Variants in FMN1 observed in about 807,000 individuals in gnomAD.
FMN1 encodes the protein formin-1.
FMN1 carries 110 observed loss-of-function variants against 132.4 expected under a neutral mutation model. The ratio of observed to expected loss-of-function variants is 0.83; its 90% CI spans 0.71 to 0.97. The LOEUF (loss-of-function observed/expected upper bound fraction) is 0.97. Among genes scored for constraint, FMN1 ranks in the 50% least tolerant of loss-of-function variants. FMN1 has a pLI of 0.00. For synonymous variants in FMN1, 722 were observed against 651.7 expected (o/e 1.11, Z -1.64); for missense variants, 1,792 against 1,705.3 (o/e 1.05, Z -0.90).
chr15:33,051,481 G>A (rs345749), intron 6 of FMN1, among the ~76,000 whole-genome samples: 62,905 of 144,116 alleles, frequency 0.44, 13,254 homozygotes, highest in Admixed American at 0.47. Flanking sequence ...CAGGTGATAG[G>A]TGGTTGTGAC....
intron 4 of FMN1, among the ~76,000 whole-genome samples, chr15:33,137,785 C>G (rs545941869): frequency 3.2e-4 from 49 of 152,310 alleles, no homozygotes; most frequent in Non-Finnish European, 4.7e-4. Flanking sequence ...CACCACCATA[C>G]AGCTTGCCCA....
intron 7 of FMN1, among the ~76,000 whole-genome samples, chr15:33,000,221 G>C (rs1430715715): frequency 1.3e-5 from 2 of 152,112 alleles, no homozygotes; most frequent in Non-Finnish European, 2.9e-5. Context: ...AGGCAGAGGT[G>C]GGTGGATCAT....
chr15:32,856,162 T>C (rs1428296968), intron 17 of FMN1, among the ~76,000 whole-genome samples: 1 of 152,154 alleles, frequency 6.6e-6, no homozygotes, highest in African/African-American at 2.4e-5. Flanking sequence ...TTAACAGTCT[T>C]TTGTTGATGG....
rs1250263105 is a variant in FMN1 at position 33,153,190 on chromosome 15, G to A, written c.1725C>T (p.Ser575=). The A allele has an allele frequency of 3.3e-6, 5 of 1,536,144 alleles. No homozygotes were observed. The East Asian group carries it at 7.3e-5, about 23-fold the overall frequency. The change falls in exon 4 of 21, where the codon TCC becomes TCT. Residue 575 remains serine, a synonymous_variant. Transcript: ENST00000616417. ...CTTTGGTCTCCGTGACCTTTGCAGAGGATGGTGGCTCCAAGGTGTCAGCAG... is the reference window on the plus strand; with the variant it reads ...CTTTGGTCTCCGTGACCTTTGCAGAAGATGGTGGCTCCAAGGTGTCAGCAG... The part of the protein sequence containing the change: ...CVSADTLEPP[S]SAKVTETKGA...
chr15:32,786,125 A>C (rs1428717255), intron 19 of FMN1, among the ~76,000 whole-genome samples: 1 of 152,216 alleles, frequency 6.6e-6, no homozygotes, highest in Non-Finnish European at 1.5e-5. Flanking sequence ...AAGCTGCTGC[A>C]CCACTGGACT....
intron 17 of FMN1, among the ~76,000 whole-genome samples, chr15:32,820,423 T>A (rs2058180056): frequency 6.6e-6 from 1 of 152,134 alleles, no homozygotes; most frequent in African/African-American, 2.4e-5. Context: ...CTTAACTAAT[T>A]TAGGTTATAT....
rs147402694 is a variant in FMN1 at position 32,869,781 on chromosome 15, C to T, written c.3836-12674G>A. 7.2e-5 allele frequency among the ~76,000 whole-genome samples: 11 copies of T among 152,108 alleles called. No homozygotes were observed. The East Asian group carries it at 1.7e-3, about 24-fold the overall frequency. On this transcript the variant is annotated intron_variant, in intron 16 of 20. Transcript: ENST00000616417. ...ATGACCTGAGAAGAAAACAGAATTGCAGGAAAGAAAGAGCAGTCAGCTCTG... is the reference window on the plus strand; with the variant it reads ...ATGACCTGAGAAGAAAACAGAATTGTAGGAAAGAAAGAGCAGTCAGCTCTG...
chr15:32,879,407 C>T (rs930087892), intron 16 of FMN1, among the ~76,000 whole-genome samples: 7 of 152,164 alleles, frequency 4.6e-5, no homozygotes, highest in Non-Finnish European at 8.8e-5. Flanking sequence ...ATAAATTAGA[C>T]ATGGTCAATA....
In FMN1 at chr15:32,857,109, T is replaced by C; in HGVS notation, c.3836-2A>G. ...CCACCACCATCTGTTTCTCACTTGC[T>C]GTGAAGAGAAATTTAGAATTAGACT... On this transcript the variant is annotated splice_acceptor_variant, in intron 16 of 20. Transcript: ENST00000616417. LOFTEE classifies it high-confidence loss of function. The C allele has an allele frequency of 6.2e-7, 1 of 1,610,804 alleles. No homozygotes were observed. The highest frequency in any genetic ancestry group is 8.5e-7 in the Non-Finnish European group (1 of 1,176,998).
intron 6 of FMN1, among the ~76,000 whole-genome samples, chr15:33,037,537 G>A (rs2036242885): frequency 6.6e-6 from 1 of 152,136 alleles, no homozygotes; most frequent in African/African-American, 2.4e-5. Context: ...GTAACCTTAG[G>A]CTCTGGTTAT....
intron 4 of FMN1, chr15:33,150,299 A>G (rs779231811): frequency 2.5e-5 from 25 of 985,470 alleles, no homozygotes; most frequent in Non-Finnish European, 3.0e-5. Context: ...TTGGGGGAAG[A>G]CCATACTCCA....
rs62001357 is a variant in FMN1, at chr15:32,897,811, T to A, written c.3714+1023A>T. ...CAAGTGAGTGGTCTTAAAACCTGGG[T>A]AAGCTGGGGTCGGCAGGAAAACAAA... On this transcript the variant is annotated intron_variant, in intron 15 of 20. Transcript: ENST00000616417. 5.6e-3 allele frequency among the ~76,000 whole-genome samples: 858 copies of A among 152,038 alleles called. 8 individuals carry two copies. The highest frequency in any genetic ancestry group is 9.1e-3 in the Non-Finnish European group (620 of 67,974).
At chr15:33,116,072 C>T (rs571227447) in intron 4 of FMN1, among the ~76,000 whole-genome samples, 3 of 152,222 alleles carry the variant, frequency 2.0e-5, no homozygotes, top group African/African-American at 7.2e-5. Flanking sequence ...CTATAGAGAT[C>T]CAACTATAAA....
At chr15:32,833,628 A>G (rs2058555985) in intron 17 of FMN1, among the ~76,000 whole-genome samples, 1 of 152,232 alleles carries the variant, frequency 6.6e-6, no homozygotes, top group Non-Finnish European at 1.5e-5. Context: ...AGGGTTAACA[A>G]GTCTGAACAC....
At chr15:33,133,076 C>A (rs1273938308) in intron 4 of FMN1, among the ~76,000 whole-genome samples, 1 of 152,200 alleles carries the variant, frequency 6.6e-6, no homozygotes, top group Non-Finnish European at 1.5e-5. Flanking sequence ...GGGGGCCAAG[C>A]ACTGCATCTC....
intron 17 of FMN1, among the ~76,000 whole-genome samples, chr15:32,807,704 A>G (rs923776656): frequency 6.6e-6 from 1 of 152,218 alleles, no homozygotes; most frequent in African/African-American, 2.4e-5. Flanking sequence ...ACCTCTGTGA[A>G]TATGGTGATT....
intron 9 of FMN1, among the ~76,000 whole-genome samples, chr15:32,961,875 G>C (rs528839224): frequency 1.3e-5 from 2 of 152,124 alleles, no homozygotes; most frequent in Non-Finnish European, 2.9e-5. Flanking sequence ...CTGACTGCCT[G>C]ACAGTCCTAA....
chr15:32,890,225 A>G (rs1308288018), intron 15 of FMN1, among the ~76,000 whole-genome samples: 2 of 152,238 alleles, frequency 1.3e-5, no homozygotes, highest in Non-Finnish European at 2.9e-5. Context: ...CTGTGCTGCT[A>G]TAAACATGCA....
At chr15:33,163,837 C>T (rs752873490) in intron 3 of FMN1, among the ~76,000 whole-genome samples, 23 of 147,246 alleles carry the variant, frequency 1.6e-4, no homozygotes, top group Non-Finnish European at 2.2e-4. Flanking sequence ...AGGCTGGTCT[C>T]GAACTCCTGA....
Sources: gnomAD v4.1 joint callset for allele counts (sites outside exome capture counted in the v4.1 genomes callset) on GRCh38, gnomAD v4.1.1 for gene constraint, MANE v1.5 for transcripts, NCBI Gene and HGNC (gene_info 2026-07-23, HGNC 2026-07-21) for gene names.